UIMC1: variants seen among roughly 807,000 people sequenced by gnomAD.
UIMC1 encodes the protein BRCA1-A complex subunit RAP80.
UIMC1 carries 42 observed loss-of-function variants against 84.9 expected under a neutral mutation model. That is an observed-to-expected ratio of 0.49 (90% CI 0.39 to 0.64). The LOEUF (loss-of-function observed/expected upper bound fraction) is 0.64. Among genes scored for constraint, UIMC1 ranks in the 30% least tolerant of loss-of-function variants. UIMC1 has a pLI of 0.00. For missense variants in UIMC1, 825 were observed against 847.6 expected (o/e 0.97, Z 0.33); for synonymous variants, 281 against 293.0 (o/e 0.96, Z 0.42).
intron 11 of UIMC1, 27 bp downstream of exon 11, chr5:176,911,284 C>T: frequency 6.4e-7 from 1 of 1,567,704 alleles, no homozygotes; most frequent in Non-Finnish European, 8.7e-7. Flanking sequence ...TATACAAGAG[C>T]TCCGTGAATG....
intron 10 of UIMC1, among the ~76,000 whole-genome samples, chr5:176,932,082 G>GT (rs771723413): frequency 7.2e-5 from 11 of 152,180 alleles, no homozygotes; most frequent in Non-Finnish European, 1.0e-4. Flanking sequence ...GCAGTGTAAC[G>GT]TAAGTCTGGG....
At chr5:176,911,523 T>A in intron 10 of UIMC1, 134 bp from the exon 11 acceptor site, 1 of 469,624 alleles carries the variant, frequency 2.1e-6, no homozygotes, top group Non-Finnish European at 3.4e-6. Flanking sequence ...GTTTGGGAAG[T>A]CTCAATCTTT....
chr5:176,973,715 G>A (rs370266106), intron 3 of UIMC1, among the ~76,000 whole-genome samples: 6 of 152,138 alleles, frequency 3.9e-5, no homozygotes, highest in East Asian at 3.8e-4. Context: ...ACCAGCCTAG[G>A]CAACATAGTG....
upstream of UIMC1, among the ~76,000 whole-genome samples, chr5:177,007,775 C>T (rs927875725): frequency 2.0e-5 from 3 of 152,040 alleles, no homozygotes; most frequent in Non-Finnish European, 4.4e-5. Context: ...GAGAAGCAAA[C>T]AGGACTTCAG....
intron 10 of UIMC1, among the ~76,000 whole-genome samples, chr5:176,935,574 C>T (rs2149431083): frequency 6.6e-6 from 1 of 152,218 alleles, no homozygotes; most frequent in East Asian, 1.9e-4. Flanking sequence ...TTGTCAATAT[C>T]TCAGTAGCTA....
At chr5:176,950,829 C>T (rs916621447) in intron 9 of UIMC1, among the ~76,000 whole-genome samples, 6 of 151,990 alleles carry the variant, frequency 3.9e-5, no homozygotes, top group Non-Finnish European at 7.4e-5. Flanking sequence ...GAGATCGTGC[C>T]ACTGCCACTG....
intron 10 of UIMC1, among the ~76,000 whole-genome samples, chr5:176,931,349 A>C (rs187385961): frequency 6.6e-6 from 1 of 152,320 alleles, no homozygotes; most frequent in Admixed American, 6.5e-5. Context: ...ATATTCCTTT[A>C]ACACATAATG....
chr5:176,964,335 C>T (rs1767979900), intron 6 of UIMC1, among the ~76,000 whole-genome samples: 1 of 152,200 alleles, frequency 6.6e-6, no homozygotes, highest in African/African-American at 2.4e-5. Context: ...CTTCAGTGAA[C>T]TAGATATTCT....
intron 1 of UIMC1, among the ~76,000 whole-genome samples, chr5:176,990,741 A>G (rs992966023): frequency 3.3e-5 from 5 of 152,016 alleles, no homozygotes; most frequent in African/African-American, 4.8e-5. Flanking sequence ...GTGTATGATC[A>G]TAGCTCACTG....
chr5:176,970,932 A>G, intron 3 of UIMC1, 66 bp from the exon 4 acceptor site: 2 of 1,564,294 alleles, frequency 1.3e-6, no homozygotes, highest in South Asian at 2.3e-5. Context: ...GGAGGCAAGA[A>G]AGAGAATTAT....
At chr5:176,966,748 A>G (rs1444327223) in intron 6 of UIMC1, among the ~76,000 whole-genome samples, 1 of 152,204 alleles carries the variant, frequency 6.6e-6, no homozygotes, top group Non-Finnish European at 1.5e-5. Flanking sequence ...AAGCAAAATA[A>G]TAAATATACA....
chr5:176,971,573 A>G (rs1347222404), intron 3 of UIMC1, among the ~76,000 whole-genome samples: 2 of 152,262 alleles, frequency 1.3e-5, no homozygotes, highest in Non-Finnish European at 2.9e-5. Context: ...ATCAATAAAG[A>G]TAATGAATGC....
intron 1 of UIMC1, among the ~76,000 whole-genome samples, chr5:176,983,261 C>T (rs1771328392): frequency 6.6e-6 from 1 of 151,532 alleles, no homozygotes; most frequent in South Asian, 2.1e-4. Flanking sequence ...TCCTCTCCCT[C>T]CTTTCTTCAG....
chr5:176,966,588 T>C (rs925017769), intron 6 of UIMC1, among the ~76,000 whole-genome samples: 1 of 152,208 alleles, frequency 6.6e-6, no homozygotes, highest in Non-Finnish European at 1.5e-5. Flanking sequence ...ACAATTTATA[T>C]ATAAAGAGTT....
intron 10 of UIMC1, among the ~76,000 whole-genome samples, chr5:176,923,615 G>A (rs1042185515): frequency 2.0e-5 from 3 of 151,204 alleles, no homozygotes; most frequent in African/African-American, 4.9e-5. Context: ...TGTAATCCCT[G>A]CACTTTGGGA....
chr5:176,999,751 G>A (rs1165699595), intron 1 of UIMC1, among the ~76,000 whole-genome samples: 2 of 152,102 alleles, frequency 1.3e-5, no homozygotes, highest in Non-Finnish European at 1.5e-5. Context: ...TTTTATGGCT[G>A]AATAGTACTC....
chr5:177,018,725 A>T (rs1775725202), intron 1 of UIMC1, among the ~76,000 whole-genome samples: 1 of 152,208 alleles, frequency 6.6e-6, no homozygotes, highest in Non-Finnish European at 1.5e-5. Context: ...AAAACTGGTG[A>T]CAATGAAGGC....
At chr5:177,005,198 T>C (rs1301433711) in intron 1 of UIMC1, among the ~76,000 whole-genome samples, 1 of 151,970 alleles carries the variant, frequency 6.6e-6, no homozygotes, top group African/African-American at 2.4e-5. Context: ...CTCAGCCACC[T>C]GAGTAGCTGA....
chr5:176,946,442 G>T (rs1765116924), intron 9 of UIMC1, among the ~76,000 whole-genome samples: 1 of 152,022 alleles, frequency 6.6e-6, no homozygotes, highest in African/African-American at 2.4e-5. Flanking sequence ...AACCTGGGAG[G>T]CGGAGGCTGC....
Sources: gnomAD v4.1 joint callset for allele counts (sites outside exome capture counted in the v4.1 genomes callset) on GRCh38, gnomAD v4.1.1 for gene constraint, MANE v1.5 for transcripts, NCBI Gene and HGNC (gene_info 2026-07-23, HGNC 2026-07-21) for gene names.